The following MAP4 variants were observed in gnomAD, a reference collection of about 807,000 sequenced individuals.
The protein encoded by MAP4 is microtubule-associated protein 4.
Under a neutral mutation model 170.2 loss-of-function variants are expected in MAP4, and 76 were observed. That is an observed-to-expected ratio of 0.45 (90% CI 0.37 to 0.54). MAP4 has a LOEUF of 0.54. Among genes scored for constraint, MAP4 ranks in the 20% least tolerant of loss-of-function variants. The pLI is 0.00. For synonymous variants in MAP4, 909 were observed against 994.5 expected (o/e 0.91, Z 1.62); for missense variants, 2,506 against 2,748.0 (o/e 0.91, Z 1.97).
chr3:48,060,091 G>A (rs185587239), intron 1 of MAP4, among the ~76,000 whole-genome samples: 9 of 152,256 alleles, frequency 5.9e-5, no homozygotes, highest in Non-Finnish European at 1.3e-4. Context: ...TTAGTCTGCA[G>A]TAGAACTCTG....
Position 47,930,269 on chromosome 3 carries a change from C to T in MAP4, c.293-1919G>A, listed in dbSNP as rs2100048836. ...GACCATCCTGGCTAACAAGGTGAAACCCCGTCTCTACTAAAAATACAAAAA... is the reference window on the plus strand; with the variant it reads ...GACCATCCTGGCTAACAAGGTGAAATCCCGTCTCTACTAAAAATACAAAAA... On this transcript the variant is annotated intron_variant, in intron 3 of 20. Transcript: ENST00000683076. 2.0e-5 allele frequency among the ~76,000 whole-genome samples: 3 copies of T among 150,964 alleles called. No homozygotes were observed. In the South Asian group the frequency reaches 6.3e-4, roughly 32 times the overall value.
intron 10 of MAP4, among the ~76,000 whole-genome samples, chr3:47,884,871 G>C (rs1372024460): frequency 6.6e-6 from 1 of 152,158 alleles, no homozygotes; most frequent in Admixed American, 6.5e-5. Flanking sequence ...AGACACCAGG[G>C]CTATAGAAGC....
At chr3:47,946,949 C>G (rs1237492973) in intron 3 of MAP4, among the ~76,000 whole-genome samples, 1 of 152,116 alleles carries the variant, frequency 6.6e-6, no homozygotes, top group African/African-American at 2.4e-5. Context: ...TGGCAGAAAT[C>G]ACATGTAAAC....
chr3:47,922,585 T>G (rs2153706853), intron 4 of MAP4, among the ~76,000 whole-genome samples: 1 of 150,396 alleles, frequency 6.6e-6, no homozygotes, highest in South Asian at 2.1e-4. Flanking sequence ...AACCAACAAG[T>G]AATTTTTCAC....
intron 10 of MAP4, chr3:47,891,074 G>A: frequency 3.9e-6 from 6 of 1,532,422 alleles, no homozygotes; most frequent in Non-Finnish European, 5.2e-6. Flanking sequence ...CTGGGTTGCA[G>A]TGACCTCAAT....
intron 2 of MAP4, among the ~76,000 whole-genome samples, chr3:47,979,466 G>A (rs1406899052): frequency 6.6e-6 from 1 of 152,078 alleles, no homozygotes; most frequent in Non-Finnish European, 1.5e-5. Context: ...TGTACAGTAA[G>A]TCTTCTTGAC....
At chr3:47,989,897 G>A (rs1034797179) in intron 2 of MAP4, among the ~76,000 whole-genome samples, 2 of 151,860 alleles carry the variant, frequency 1.3e-5, no homozygotes, top group African/African-American at 4.8e-5. Context: ...ATCGAAAATA[G>A]CACACTTTTT....
chr3:48,058,287 G>A (rs1030781710), intron 1 of MAP4, among the ~76,000 whole-genome samples: 1 of 152,188 alleles, frequency 6.6e-6, no homozygotes, highest in Non-Finnish European at 1.5e-5. Context: ...GAGAGAGGGA[G>A]GGAGGCCAGT....
At chr3:47,860,773 G>A (rs2064249568) in intron 17 of MAP4, among the ~76,000 whole-genome samples, 1 of 152,156 alleles carries the variant, frequency 6.6e-6, no homozygotes, top group African/African-American at 2.4e-5. Context: ...CTACTTACAT[G>A]TCATGCTAGC....
At chr3:47,964,954 A>C (rs2100073954) in intron 3 of MAP4, among the ~76,000 whole-genome samples, 1 of 152,154 alleles carries the variant, frequency 6.6e-6, no homozygotes, top group South Asian at 2.1e-4. Context: ...CATCTCCAGA[A>C]CTTTTTCATC....
chr3:47,889,133 T>C (rs1403483596), intron 10 of MAP4, among the ~76,000 whole-genome samples: 3 of 152,124 alleles, frequency 2.0e-5, no homozygotes, highest in Non-Finnish European at 4.4e-5. Flanking sequence ...GAAATACAGA[T>C]TTTTAAAGGG....
intron 3 of MAP4, among the ~76,000 whole-genome samples, chr3:47,963,367 T>C (rs1215665265): frequency 6.6e-6 from 1 of 152,222 alleles, no homozygotes; most frequent in African/African-American, 2.4e-5. Flanking sequence ...CTGAAAATAA[T>C]TTCTGTCACT....
intron 10 of MAP4, among the ~76,000 whole-genome samples, chr3:47,885,568 A>G (rs1352232696): frequency 2.0e-5 from 3 of 152,114 alleles, no homozygotes; most frequent in Non-Finnish European, 2.9e-5. Flanking sequence ...AGATGATACC[A>G]TCTTGTCTTG....
In MAP4 at chr3:47,861,470, A is replaced by T. The variant is rs182981680; in HGVS notation, c.6502-3958T>A. On this transcript the variant is annotated intron_variant, in intron 17 of 20. Coordinates refer to ENST00000683076, the MANE Select transcript of MAP4 (RefSeq NM_001385682.1). ...CTGGTTCAAGCGATTCTCCTGCCTC[A>T]GCTTTCCAAGTAGCTGGGATTATAG... Among the ~76,000 whole-genome samples, 390 of 150,444 alleles carry T rather than the reference A, an allele frequency of 2.6e-3. 1 individual carries two copies. The highest frequency in any genetic ancestry group is 8.8e-3 in the African/African-American group (359 of 40,828).
chr3:47,895,521 C>T (rs1189932078), intron 10 of MAP4, among the ~76,000 whole-genome samples: 1 of 152,250 alleles, frequency 6.6e-6, no homozygotes, highest in Non-Finnish European at 1.5e-5. Context: ...CATGACTGGG[C>T]ATGGCGGACG....
intron 10 of MAP4, among the ~76,000 whole-genome samples, chr3:47,898,870 C>CA (rs2100028497): frequency 6.6e-6 from 1 of 151,912 alleles, no homozygotes; most frequent in African/African-American, 2.4e-5. Context: ...GAAGGAGGAT[C>CA]ACTTAAACCT....
intron 10 of MAP4, among the ~76,000 whole-genome samples, chr3:47,882,438 T>C (rs1301234959): frequency 7.2e-5 from 11 of 152,204 alleles, no homozygotes; most frequent in Non-Finnish European, 1.6e-4. Flanking sequence ...CTTTTTAATT[T>C]CCTTTTTTCA....
intron 1 of MAP4, among the ~76,000 whole-genome samples, chr3:48,055,198 CCG>C: frequency 1.4e-5 from 1 of 71,228 alleles, no homozygotes; most frequent in Non-Finnish European, 2.6e-5. Context: ...CTCTCCCTCT[CCG>C]TCTCCGTCTC....
chr3:48,055,414 CG>C (rs1486950797), intron 1 of MAP4, among the ~76,000 whole-genome samples: 5 of 151,942 alleles, frequency 3.3e-5, no homozygotes, highest in East Asian at 1.9e-4. Flanking sequence ...CTGTGTTGGC[CG>C]GGCCGGTCTC....
Sources: gnomAD v4.1 joint callset for allele counts (sites outside exome capture counted in the v4.1 genomes callset) on GRCh38, gnomAD v4.1.1 for gene constraint, MANE v1.5 for transcripts, NCBI Gene and HGNC (gene_info 2026-07-23, HGNC 2026-07-21) for gene names.